The following TRAK2 variants were observed in gnomAD, a reference collection of about 807,000 sequenced individuals.
The protein encoded by TRAK2 is trafficking kinesin-binding protein 2.
In TRAK2, 81 loss-of-function variants were observed where a neutral mutation model predicts 104.6. The observed-to-expected ratio is 0.77, with a 90% confidence interval of 0.65 to 0.93. The LOEUF is 0.93. TRAK2 is among the 40% of genes least tolerant of loss of function. The probability of loss-of-function intolerance (pLI) is 0.00; values close to 1 mark genes in which losing one functional copy is unlikely to be tolerated. For missense variants in TRAK2, 1,002 were observed against 1,089.0 expected, an observed-to-expected ratio of 0.92 and a Z score of 1.12; for synonymous variants, 406 against 394.4, an observed-to-expected ratio of 1.03 and a Z score of -0.35.
At chr2:201,409,281 T>C (rs1339408625) in intron 2 of TRAK2, among the ~76,000 whole-genome samples, 1 of 147,192 alleles carries the variant, frequency 6.8e-6, no homozygotes, top group Admixed American at 6.8e-5. Flanking sequence ...AATGTCAGCT[T>C]TTTTTTTTTT....
intron 2 of TRAK2, among the ~76,000 whole-genome samples, chr2:201,408,387 G>A (rs1951615282): frequency 6.6e-6 from 1 of 152,000 alleles, no homozygotes; most frequent in Non-Finnish European, 1.5e-5. Context: ...GTAAACTCAT[G>A]TCACGGGGGT....
At chr2:201,429,007 C>T (rs1951817337) in intron 1 of TRAK2, among the ~76,000 whole-genome samples, 1 of 152,120 alleles carries the variant, frequency 6.6e-6, no homozygotes, top group South Asian at 2.1e-4. Flanking sequence ...GTGATTTTTG[C>T]ACATTGATTT....
At chr2:201,435,762 T>A (rs576124720) in intron 1 of TRAK2, among the ~76,000 whole-genome samples, 18 of 152,302 alleles carry the variant, frequency 1.2e-4, no homozygotes, top group African/African-American at 4.3e-4. Flanking sequence ...TAAGGCCTCA[T>A]AGCATCAAAA....
intron 1 of TRAK2, among the ~76,000 whole-genome samples, chr2:201,449,393 A>G (rs1951991638): frequency 6.6e-6 from 1 of 151,778 alleles, no homozygotes; most frequent in Non-Finnish European, 1.5e-5. Context: ...TTAGTGTGAT[A>G]GGTTTGTTAA....
At chr2:201,393,207 C>A (rs3815515) in intron 9 of TRAK2, among the ~76,000 whole-genome samples, 161 bp from the exon 10 acceptor site, 86,597 of 151,768 alleles carry the variant, frequency 0.57, 25,953 homozygotes, top group South Asian at 0.68. Flanking sequence ...AAGCAAGAAG[C>A]GTATATATAT....
intron 1 of TRAK2, among the ~76,000 whole-genome samples, chr2:201,424,924 C>T (rs1576529816): frequency 1.3e-5 from 2 of 152,226 alleles, no homozygotes; most frequent in Non-Finnish European, 2.9e-5. Context: ...TGTTTTTGTA[C>T]AACCTGTGAG....
intron 7 of TRAK2, among the ~76,000 whole-genome samples, chr2:201,396,946 G>A (rs1002549374): frequency 3.3e-5 from 5 of 152,216 alleles, no homozygotes; most frequent in African/African-American, 1.2e-4. Context: ...ACAATGAGAA[G>A]TGAAACTGCA....
chr2:201,440,261 C>T (rs1951910961), intron 1 of TRAK2, among the ~76,000 whole-genome samples: 2 of 151,890 alleles, frequency 1.3e-5, no homozygotes, highest in South Asian at 4.2e-4. Flanking sequence ...TGTTTCCTCC[C>T]TCACTGTGAG....
At position 201,447,885 on chromosome 2, in the gene TRAK2, GT is replaced by G. The variant is rs1951976011; in HGVS notation, c.-200+3464del. 6.6e-6 allele frequency among the ~76,000 whole-genome samples: 1 copy of G among 152,132 alleles called. No individual in the cohort carries two copies. The highest frequency in any genetic ancestry group is 6.5e-5 in the Admixed American group (1 of 15,270). On this transcript the variant is annotated intron_variant, in intron 1 of 15. Transcript: ENST00000332624. This position sits in a 1 kb window ranked among gnomAD's most constrained non-coding sequence, Gnocchi z 4.1. ...AGAGTAACTTCAGTGTTCTTTCTCT[GT>G]GCTCCCAAAGTACCTCGGCAAGCTG... is the stretch of plus-strand genomic sequence containing the variant.
chr2:201,402,279 C>G (rs573473602), intron 3 of TRAK2, among the ~76,000 whole-genome samples: 1 of 152,106 alleles, frequency 6.6e-6, no homozygotes, highest in South Asian at 2.1e-4. Flanking sequence ...CTTTAGGGTG[C>G]CCACGACTGA....
chr2:201,451,143 C>T (rs1205922877), intron 1 of TRAK2, among the ~76,000 whole-genome samples: 1 of 152,218 alleles, frequency 6.6e-6, no homozygotes, highest in African/African-American at 2.4e-5. Flanking sequence ...ACGCCAGCGC[C>T]TAGCGCCCAT....
chr2:201,449,400 T>C (rs2125666138), intron 1 of TRAK2, among the ~76,000 whole-genome samples: 1 of 152,280 alleles, frequency 6.6e-6, no homozygotes, highest in Non-Finnish European at 1.5e-5. Flanking sequence ...GATAGGTTTG[T>C]TAAAGTGATT....
chr2:201,387,920 T>A lies in TRAK2; in HGVS notation c.1479A>T (p.Arg493=), dbSNP rs1951407002. The change falls in exon 13 of 16, where the codon CGA becomes CGT. Residue 493 remains arginine (R), a synonymous_variant. Transcript: ENST00000332624. The part of the protein sequence containing the change: ...ATALHRLSLR[R]QNYLSEKQFF... ...ACTGCTTCTCACTTAAATAGTTTTG[T>A]CGACGCAAGCTAAGGCGATGCAGTG... 2 of 1,614,182 alleles carry A rather than the reference T, an allele frequency of 1.2e-6. No homozygotes were observed. The highest frequency in any genetic ancestry group is 1.7e-6 in the Non-Finnish European group (2 of 1,180,028).
At chr2:201,386,883 C>T (rs1655068667) in intron 13 of TRAK2, among the ~76,000 whole-genome samples, 1 of 152,194 alleles carries the variant, frequency 6.6e-6, no homozygotes, top group Non-Finnish European at 1.5e-5. Flanking sequence ...AAAAGCCAGG[C>T]TCCCAGGGAG....
chr2:201,451,148 G>T (rs982651766), intron 1 of TRAK2, among the ~76,000 whole-genome samples: 6 of 152,184 alleles, frequency 3.9e-5, no homozygotes, highest in Non-Finnish European at 8.8e-5. Flanking sequence ...AGCGCCTAGC[G>T]CCCATTACTT....
At chr2:201,402,815 G>A (rs1350798821) in intron 3 of TRAK2, among the ~76,000 whole-genome samples, 1 of 152,116 alleles carries the variant, frequency 6.6e-6, no homozygotes, top group Non-Finnish European at 1.5e-5. Flanking sequence ...TGGCTCTTAA[G>A]TCCAGATTCC....
At position 201,433,893 on chromosome 2, in the gene TRAK2, C is replaced by T. The variant is rs1180074837; in HGVS notation, c.-199-13187G>A. On this transcript the variant is annotated intron_variant, in intron 1 of 15. Coordinates refer to ENST00000332624, the MANE Select transcript of TRAK2 (RefSeq NM_015049.3). ...ATTTCAGTCAGTCACATTTCTTCGCCTCTGGCTGATTGTCAGCTGCATGGG... is the reference window on the plus strand; with the variant it reads ...ATTTCAGTCAGTCACATTTCTTCGCTTCTGGCTGATTGTCAGCTGCATGGG... 2.0e-5 allele frequency among the ~76,000 whole-genome samples: 3 copies of T among 152,098 alleles called. 1 individual carries two copies. The South Asian group carries it at 6.2e-4, about 31-fold the overall frequency.
At position 201,386,363 on chromosome 2, in the gene TRAK2, G is replaced by C. The variant is rs1385277800; in HGVS notation, c.1818C>G (p.His606Gln). The C allele has an allele frequency of 6.2e-7, 1 of 1,614,142 alleles. No individual in the cohort carries two copies. Among genetic ancestry groups the C allele is most frequent in the Admixed American group, 1.7e-5 (1 of 60,020 alleles). Residue 606 changes from histidine to glutamine, a missense_variant, in exon 14 of 16, where the codon CAC becomes CAG. His to Gln is a conservative substitution (Grantham distance 24). Transcript: ENST00000332624. ...CTTCATCCTCTTCTAAATCTGAGAT[G>C]TGATAAATAGCATCCCCGGGCAACT... ...FTQLPGDAIY[H>Q]ISDLEEDEEE...
chr2:201,422,138 G>A (rs1459483233), intron 1 of TRAK2, among the ~76,000 whole-genome samples: 1 of 151,268 alleles, frequency 6.6e-6, no homozygotes, highest in African/African-American at 2.4e-5. Flanking sequence ...ATGCACACAT[G>A]CTGTAACTTA....
Sources: gnomAD v4.1 joint callset for allele counts (sites outside exome capture counted in the v4.1 genomes callset) on GRCh38, gnomAD v4.1.1 for gene constraint, Gnocchi (gnomAD v3.1) non-coding constraint, MANE v1.5 for transcripts, NCBI Gene and HGNC (gene_info 2026-07-23, HGNC 2026-07-21) for gene names.